The following KHDRBS2 variants were observed in gnomAD, a reference collection of about 807,000 sequenced individuals.
KHDRBS2 encodes the protein KH domain-containing, RNA-binding, signal transduction-associated protein 2.
A neutral mutation model predicts 44.3 loss-of-function variants in KHDRBS2; 26 were observed. The ratio of observed to expected loss-of-function variants is 0.59; its 90% CI spans 0.43 to 0.81. The LOEUF (loss-of-function observed/expected upper bound fraction) is 0.81. Among genes scored for constraint, KHDRBS2 ranks in the 40% least tolerant of loss-of-function variants. The probability of loss-of-function intolerance (pLI) is 0.00; values close to 1 mark genes in which losing one functional copy is unlikely to be tolerated. For missense variants in KHDRBS2, 476 were observed against 433.1 expected (o/e 1.10, Z -0.88); for synonymous variants, 194 against 151.1 (o/e 1.28, Z -2.08).
chr6:61,633,330 T>A, the KHDRBS2 span, among the ~76,000 whole-genome samples: 1 of 152,044 alleles, frequency 6.6e-6, no homozygotes, highest in Non-Finnish European at 1.5e-5. Flanking sequence ...AAGTATTTGA[T>A]GAACTTATTT....
the KHDRBS2 span, among the ~76,000 whole-genome samples, chr6:61,603,916 A>G: frequency 1.3e-5 from 2 of 151,938 alleles, no homozygotes; most frequent in Admixed American, 6.6e-5. Flanking sequence ...TCTCACCCTG[A>G]TCACATTTGG....
At chr6:61,946,704 T>C (rs900411300) in intron 4 of KHDRBS2, among the ~76,000 whole-genome samples, 3 of 152,110 alleles carry the variant, frequency 2.0e-5, no homozygotes, top group Non-Finnish European at 2.9e-5. Context: ...GGGTAGGAAA[T>C]AGCTGTTAGA....
intron 8 of KHDRBS2, among the ~76,000 whole-genome samples, chr6:61,685,954 G>T (rs766457494): frequency 2.0e-5 from 3 of 151,688 alleles, no homozygotes; most frequent in African/African-American, 7.3e-5. Flanking sequence ...AGGAAAAGTT[G>T]ACATTATTTA....
intron 6 of KHDRBS2, among the ~76,000 whole-genome samples, chr6:61,791,621 G>A (rs1325191487): frequency 1.3e-5 from 2 of 151,244 alleles, no homozygotes; most frequent in African/African-American, 2.4e-5. Flanking sequence ...CTAAATGAAC[G>A]CATGCGCTTG....
chr6:61,987,766 T>G (rs1193851575), intron 3 of KHDRBS2, among the ~76,000 whole-genome samples: 1 of 152,198 alleles, frequency 6.6e-6, no homozygotes, highest in Non-Finnish European at 1.5e-5. Context: ...TGCATATAAG[T>G]GCATGATAGA....
At chr6:61,970,673 G>A (rs1771188609) in intron 4 of KHDRBS2, among the ~76,000 whole-genome samples, 1 of 152,084 alleles carries the variant, frequency 6.6e-6, no homozygotes, top group Admixed American at 6.6e-5. Context: ...ACCCCAACAG[G>A]GGAAAATATT....
In KHDRBS2 at chr6:61,917,751, C is replaced by A. The variant is rs747689802; in HGVS notation, c.484-16380G>T. ...GAGGGAAAAGGGGTATGTAAGAGAT[C>A]TCTTTACCTTCCTGTCAATTTTGCT... On this transcript the variant is annotated intron_variant, in intron 4 of 8. Coordinates refer to ENST00000281156, the MANE Select transcript of KHDRBS2 (RefSeq NM_152688.4). Among the ~76,000 whole-genome samples, 78 of 151,868 alleles carry A rather than the reference C, an allele frequency of 5.1e-4. 3 individuals are homozygous for A. The highest frequency in any genetic ancestry group is 4.1e-3 in the Admixed American group (62 of 15,202).
chr6:61,772,821 T>G (rs1010716376), intron 6 of KHDRBS2, among the ~76,000 whole-genome samples: 27 of 152,066 alleles, frequency 1.8e-4, no homozygotes, highest in African/African-American at 6.5e-4. Context: ...CCCCAGAGTG[T>G]GATGTTCCCC....
rs574405958 is a variant in KHDRBS2 at position 62,219,807 on chromosome 6, T to C, written c.92-42495A>G. Among the ~76,000 whole-genome samples, 12 of 148,008 alleles carry C rather than the reference T, an allele frequency of 8.1e-5. 1 individual carries two copies. In the South Asian group the frequency reaches 1.5e-3, roughly 18 times the overall value. On this transcript the variant is annotated intron_variant, in intron 1 of 8. Transcript: ENST00000281156. ...ATATTTTTATTTACTATATGATATA[T>C]AGTTACTATATATGATAGTATATAT...
chr6:61,922,416 G>A (rs1361230205), intron 4 of KHDRBS2, among the ~76,000 whole-genome samples: 1 of 152,052 alleles, frequency 6.6e-6, no homozygotes, highest in Non-Finnish European at 1.5e-5. Flanking sequence ...AGGGAGACCA[G>A]GGTGATTAGA....
At chr6:62,144,234 CA>C (rs1813456318) in intron 2 of KHDRBS2, among the ~76,000 whole-genome samples, 1 of 151,914 alleles carries the variant, frequency 6.6e-6, no homozygotes, top group Admixed American at 6.6e-5. Context: ...ACTAGTTTGA[CA>C]GGGTTTGCAT....
chr6:61,870,000 G>A (rs1488687004), intron 6 of KHDRBS2, among the ~76,000 whole-genome samples: 1 of 114,630 alleles, frequency 8.7e-6, no homozygotes, highest in Non-Finnish European at 1.7e-5. Flanking sequence ...CCATACTACA[G>A]TGGTGCCTGG....
chr6:61,673,031 T>C, the KHDRBS2 span, among the ~76,000 whole-genome samples: 1 of 151,796 alleles, frequency 6.6e-6, no homozygotes, highest in Admixed American at 6.6e-5. Flanking sequence ...GTATAAGGTG[T>C]AAGGAAGGGA....
rs150065466 is a variant in KHDRBS2, at chr6:61,995,734, A to T, written c.337-17522T>A. On this transcript the variant is annotated intron_variant, in intron 3 of 8. Transcript: ENST00000281156. The stretch of plus-strand genomic sequence containing the variant: ...GAGTGGGGAAGGATATTGAAGATAT[A>T]TGAGGAGGGTAATTAGCACTATGTT... Among the ~76,000 whole-genome samples the T allele has an allele frequency of 2.2e-4, 33 of 152,230 alleles. 1 individual carries two copies. Among genetic ancestry groups the T allele is most frequent in the Admixed American group, 5.9e-4 (9 of 15,284 alleles).
intron 4 of KHDRBS2, among the ~76,000 whole-genome samples, chr6:61,903,973 A>T (rs1804520811): frequency 6.6e-6 from 1 of 152,228 alleles, no homozygotes; most frequent in South Asian, 2.1e-4. Context: ...CAACCCCAGA[A>T]TCTGGAGAAA....
At chr6:61,879,780 A>T (rs1799951552) in intron 6 of KHDRBS2, among the ~76,000 whole-genome samples, 1 of 151,824 alleles carries the variant, frequency 6.6e-6, no homozygotes, top group Non-Finnish European at 1.5e-5. Context: ...TCAAAATCTT[A>T]TTTGAAAATG....
chr6:61,970,670 CAG>C (rs1241115793), intron 4 of KHDRBS2, among the ~76,000 whole-genome samples: 1 of 152,140 alleles, frequency 6.6e-6, no homozygotes, highest in African/African-American at 2.4e-5. Flanking sequence ...CATACCCCAA[CAG>C]GGGAAAATAT....
At chr6:61,729,021 T>C (rs1344654652) in intron 7 of KHDRBS2, among the ~76,000 whole-genome samples, 6 of 152,128 alleles carry the variant, frequency 3.9e-5, no homozygotes, top group Non-Finnish European at 8.8e-5. Context: ...TAAAGACACA[T>C]GCACTTGTAT....
At chr6:62,070,802 G>C (rs910208487) in intron 2 of KHDRBS2, among the ~76,000 whole-genome samples, 3 of 151,970 alleles carry the variant, frequency 2.0e-5, no homozygotes, top group Admixed American at 1.3e-4. Flanking sequence ...ATAAACATAC[G>C]TGTGCATGTG....
Sources: allele counts gnomAD v4.1 joint callset (sites outside exome capture counted in the v4.1 genomes callset), GRCh38; gene constraint gnomAD v4.1.1; transcripts MANE v1.5; gene names NCBI Gene and HGNC (gene_info 2026-07-23, HGNC 2026-07-21).